Variants in SHISA9 observed in about 807,000 individuals in gnomAD.
The protein encoded by SHISA9 is protein shisa-9.
SHISA9 carries 13 observed loss-of-function variants against 38.0 expected under a neutral mutation model. The ratio of observed to expected loss-of-function variants is 0.34; its 90% confidence interval spans 0.22 to 0.54. SHISA9 has a LOEUF of 0.54. Among genes scored for constraint, SHISA9 ranks in the 20% least tolerant of loss-of-function variants. SHISA9 has a pLI of 0.91. For missense variants in SHISA9, 538 were observed against 575.8 expected (o/e 0.93, Z 0.67); for synonymous variants, 275 against 242.0 (o/e 1.14, Z -1.27).
chr16:12,916,134 A>C (rs147670874), intron 1 of SHISA9, among the ~76,000 whole-genome samples: 1,625 of 151,688 alleles, frequency 0.011, 32 homozygotes, highest in African/African-American at 0.036. Context: ...TTGTGCCACA[A>C]CTTACTGGCT....
At chr16:13,530,294 C>T in the SHISA9 span, among the ~76,000 whole-genome samples, 1 of 152,088 alleles carries the variant, frequency 6.6e-6, no homozygotes, top group East Asian at 1.9e-4. Flanking sequence ...GAGTGAGACT[C>T]CGTCTCAAAA....
chr16:13,170,239 T>C (rs76197753), intron 2 of SHISA9, among the ~76,000 whole-genome samples: 15 of 150,500 alleles, frequency 1.0e-4, no homozygotes, highest in Non-Finnish European at 7.4e-5. Context: ...AAGTAAAATA[T>C]ATGTTCATTT....
chr16:13,308,875 C>A, the SHISA9 span, among the ~76,000 whole-genome samples: 1 of 152,052 alleles, frequency 6.6e-6, no homozygotes, highest in Non-Finnish European at 1.5e-5. Context: ...GGCACAGGAG[C>A]CTCCATAAAG....
the SHISA9 span, among the ~76,000 whole-genome samples, chr16:13,420,237 A>C: frequency 0.72 from 84,454 of 118,046 alleles, 29,985 homozygotes; most frequent in Admixed American, 0.81. Context: ...CAGAGTGAGA[A>C]TCTGTTTCAA....
the SHISA9 span, among the ~76,000 whole-genome samples, chr16:13,526,244 C>T: frequency 6.6e-6 from 1 of 152,218 alleles, no homozygotes. Context: ...ATGACTTTAG[C>T]ACAATACTTC....
intron 2 of SHISA9, among the ~76,000 whole-genome samples, chr16:13,141,491 C>T (rs1026534161): frequency 6.6e-6 from 1 of 151,958 alleles, no homozygotes; most frequent in African/African-American, 2.4e-5. Flanking sequence ...TCGAGACCAT[C>T]CTGGCTAACA....
intron 2 of SHISA9, among the ~76,000 whole-genome samples, chr16:12,933,326 G>A (rs897710208): frequency 6.6e-6 from 1 of 150,692 alleles, no homozygotes; most frequent in Admixed American, 6.6e-5. Flanking sequence ...ATGGAGTCTT[G>A]CTCTGCCACC....
At chr16:13,528,458 A>C in the SHISA9 span, among the ~76,000 whole-genome samples, 17 of 152,182 alleles carry the variant, frequency 1.1e-4, no homozygotes, top group Non-Finnish European at 1.5e-4. Flanking sequence ...TGTACTCTGA[A>C]CGTGTCTTAT....
the SHISA9 span, among the ~76,000 whole-genome samples, chr16:13,248,723 T>C: frequency 6.6e-6 from 1 of 152,264 alleles, no homozygotes; most frequent in East Asian, 1.9e-4. Flanking sequence ...CAGGCTAATG[T>C]GGTACCTTGG....
At chr16:13,180,710 TAAAC>T (rs2050769946) in intron 2 of SHISA9, among the ~76,000 whole-genome samples, 2 of 152,082 alleles carry the variant, frequency 1.3e-5, no homozygotes, top group South Asian at 4.2e-4. Context: ...AATAAATAAA[TAAAC>T]AAACTGATCA....
chr16:13,538,209 T>A, the SHISA9 span, among the ~76,000 whole-genome samples: 2 of 152,126 alleles, frequency 1.3e-5, no homozygotes, highest in Admixed American at 6.6e-5. Context: ...AGCTGTCCCC[T>A]CTCATGATCC....
chr16:13,114,087 A>G (rs948260862), intron 2 of SHISA9, among the ~76,000 whole-genome samples: 2 of 152,186 alleles, frequency 1.3e-5, no homozygotes, highest in African/African-American at 4.8e-5. Flanking sequence ...AGGCTTAACA[A>G]TTAGCAAACT....
chr16:13,413,343 T>C, the SHISA9 span, among the ~76,000 whole-genome samples: 1 of 152,172 alleles, frequency 6.6e-6, no homozygotes, highest in Non-Finnish European at 1.5e-5. Flanking sequence ...GATAAGCAGA[T>C]GGGGCTATTT....
chr16:13,301,550 G>C, the SHISA9 span, among the ~76,000 whole-genome samples: 2 of 152,208 alleles, frequency 1.3e-5, no homozygotes, highest in Non-Finnish European at 2.9e-5. Flanking sequence ...ACTTCTAATA[G>C]TTCTGTGTTA....
chr16:12,965,528 G>A (rs1196556303), intron 2 of SHISA9, among the ~76,000 whole-genome samples: 1 of 152,196 alleles, frequency 6.6e-6, no homozygotes, highest in East Asian at 1.9e-4. Context: ...TCTCCCAAGT[G>A]ATTTGGAATC....
At chr16:12,973,375 G>C (rs1005164494) in intron 2 of SHISA9, among the ~76,000 whole-genome samples, 5 of 152,168 alleles carry the variant, frequency 3.3e-5, no homozygotes, top group African/African-American at 1.2e-4. Flanking sequence ...CTGTTGTTTC[G>C]CTGGAGAGTT....
chr16:13,391,715 T>C, the SHISA9 span, among the ~76,000 whole-genome samples: 1 of 152,156 alleles, frequency 6.6e-6, no homozygotes, highest in African/African-American at 2.4e-5. Context: ...GGTGACTCCA[T>C]TGTGCAGCTA....
chr16:13,334,077 G>A, the SHISA9 span, among the ~76,000 whole-genome samples: 1 of 152,144 alleles, frequency 6.6e-6, no homozygotes, highest in African/African-American at 2.4e-5. Context: ...GAAAACTGAG[G>A]TTTGGTGATC....
intron 2 of SHISA9, among the ~76,000 whole-genome samples, chr16:13,101,780 C>G (rs895821851): frequency 2.5e-4 from 38 of 152,176 alleles, no homozygotes; most frequent in African/African-American, 8.9e-4. Flanking sequence ...CACATCCTCG[C>G]CAATACTTGC....
Sources: allele counts gnomAD v4.1 joint callset (sites outside exome capture counted in the v4.1 genomes callset), GRCh38; gene constraint gnomAD v4.1.1; transcripts MANE v1.5; gene names NCBI Gene and HGNC (gene_info 2026-07-23, HGNC 2026-07-21).